Variants in SEC62 observed in about 807,000 individuals in gnomAD.
The protein encoded by SEC62 is translocation protein SEC62.
In SEC62, 10 loss-of-function variants were observed where a neutral mutation model predicts 47.5. The observed-to-expected ratio is 0.21, with a 90% CI of 0.13 to 0.36. SEC62 has a LOEUF of 0.36. Ranked by LOEUF, SEC62 falls within the 10% of genes least tolerant of loss-of-function variation. The pLI, the probability that SEC62 is intolerant of heterozygous loss-of-function variation, is 1.00. For missense variants in SEC62, 327 were observed against 464.1 expected, an observed-to-expected ratio of 0.70 and a Z score of 2.71; for synonymous variants, 136 against 150.5, an observed-to-expected ratio of 0.90 and a Z score of 0.71.
In SEC62 at chr3:169,997,551, C is replaced by G. The variant is rs943588200; in HGVS notation, c.*4488C>G. 1.3e-5 allele frequency: 2 copies of G among 152,184 alleles called. No homozygotes were observed. Among genetic ancestry groups the G allele is most frequent in the African/African-American group, 4.8e-5 (2 of 41,414 alleles). The allele number at this position is 152,184 out of a possible 1,614,324, so 9.4% of individuals were successfully genotyped here. A position where few individuals can be genotyped will look rare whatever the true frequency, so the allele number is the denominator to read the frequency against. On this transcript the variant is annotated 3_prime_UTR_variant, in exon 8 of 8. Coordinates refer to ENST00000337002, the MANE Select transcript of SEC62 (RefSeq NM_003262.4). The stretch of plus-strand genomic sequence containing the variant: ...CGAAATCTCAGCTCACTGCAACCTC[C>G]GCCTCCTGAGGTTCAAGTGATCCTC...
rs1057428695 is a variant in SEC62, at chr3:169,992,687, T to C, written c.824T>C (p.Ile275Thr). The C allele has an allele frequency of 5.0e-6, 8 of 1,614,042 alleles. No homozygotes were observed. The highest frequency in any genetic ancestry group is 2.7e-5 in the African/African-American group (2 of 74,906). The change falls in exon 8 of 8, where the codon ATT becomes ACT. Residue 275 changes from isoleucine (I) to threonine (T), a missense_variant. Around this residue, in one of 3 missense-constraint regions of SEC62, gnomAD observed 99 missense variants for 194.0 expected, o/e 0.51. Coordinates refer to ENST00000337002, the MANE Select transcript of SEC62 (RefSeq NM_003262.4). This position sits in a 1 kb window ranked among gnomAD's most constrained non-coding sequence, Gnocchi z 4.0. ...LPNLTADVGF[I>T]DSFRPLYTHE... ...AATCTGACTGCTGATGTGGGCTTCA[T>C]TGACTCCTTCAGGCCTCTGTACACA... is the stretch of plus-strand genomic sequence containing the variant.
chr3:169,975,648 A>G lies in SEC62; in HGVS notation c.77A>G (p.Lys26Arg). ...EPSKEEKAVAKYLRFNCPTKS... is the reference protein window; with the variant it reads ...EPSKEEKAVARYLRFNCPTKS... ...TCTAAAGAAGAGAAGGCTGTGGCCA[A>G]GTATCTTCGATTCAACTGTCCAACA... is the stretch of plus-strand genomic sequence containing the variant. The change falls in exon 2 of 8, where the codon AAG becomes AGG. Residue 26 changes from lysine (K) to arginine (R), a missense_variant. By Grantham distance (26) the Lys-to-Arg change is conservative. Around this residue, in one of 3 missense-constraint regions of SEC62, gnomAD observed 126 missense variants for 161.2 expected, o/e 0.78. Transcript: ENST00000337002. The G allele has an allele frequency of 6.2e-7, 1 of 1,613,894 alleles. No individual in the cohort carries two copies.
Position 169,985,684 on chromosome 3 carries a change from A to G in SEC62, c.550-121A>G, listed in dbSNP as rs866877833. The G allele has an allele frequency of 5.1e-6, 3 of 591,910 alleles. No individual in the cohort carries two copies. The Middle Eastern group carries it at 8.5e-4, about 167-fold the overall frequency. 36.7% of individuals were successfully genotyped at this position (591,910 alleles called of 1,614,324 possible). A position where few individuals can be genotyped will look rare whatever the true frequency, so the allele number is the denominator to read the frequency against. ...TCTTTGGAATTTATTTACCTTAGAA[A>G]TTACTTCTCGTATGTTAAGAGGTTG... On this transcript the variant is annotated intron_variant, in intron 5 of 7. Coordinates refer to ENST00000337002, the MANE Select transcript of SEC62 (RefSeq NM_003262.4).
chr3:169,967,211 C>T (rs1043177789), intron 1 of SEC62, among the ~76,000 whole-genome samples: 1 of 152,186 alleles, frequency 6.6e-6, no homozygotes, highest in Non-Finnish European at 1.5e-5. Context: ...AGACGCTGAC[C>T]CTTCCCGGGG....
At chr3:169,979,615 G>T (rs993412276) in intron 3 of SEC62, among the ~76,000 whole-genome samples, 1 of 151,992 alleles carries the variant, frequency 6.6e-6, no homozygotes, top group Non-Finnish European at 1.5e-5. Flanking sequence ...TCCCTAAACG[G>T]TTCTGTTTCC....
intron 6 of SEC62, among the ~76,000 whole-genome samples, chr3:169,986,217 GCTCT>G (rs1308623691): frequency 6.6e-6 from 1 of 152,092 alleles, no homozygotes; most frequent in Non-Finnish European, 1.5e-5. Flanking sequence ...AAAAAAATCA[GCTCT>G]CTCTAACAGT....
Position 169,993,497 on chromosome 3 carries a change from T to C in SEC62, c.*434T>C, listed in dbSNP as rs1303664941. The C allele has an allele frequency of 1.9e-5, 3 of 153,928 alleles. No homozygotes were observed. The highest frequency in any genetic ancestry group is 4.3e-5 in the Non-Finnish European group (3 of 68,976). The allele number at this position is 153,928 out of a possible 1,614,324, so 9.5% of individuals were successfully genotyped here. The stretch of plus-strand genomic sequence containing the variant: ...AGTTTCTTTAAGATGTGTAAACTCA[T>C]TGTCCTTGATAGTTTTTATTTTTCA... On this transcript the variant is annotated 3_prime_UTR_variant, in exon 8 of 8. Transcript: ENST00000337002.
intron 2 of SEC62, 110 bp downstream of exon 2, chr3:169,975,826 G>A: frequency 1.6e-6 from 1 of 643,700 alleles, no homozygotes; most frequent in Admixed American, 2.3e-5. Context: ...TTGTTCTGGT[G>A]ATGGACATAT....
At chr3:169,971,063 T>A (rs1187188695) in intron 1 of SEC62, among the ~76,000 whole-genome samples, 2 of 150,240 alleles carry the variant, frequency 1.3e-5, no homozygotes, top group African/African-American at 5.0e-5. Flanking sequence ...CATGTTCTCA[T>A]GGTACTTTTT....
chr3:169,982,864 AAAG>A lies in SEC62; in HGVS notation c.412_414del (p.Glu138del). The A allele has an allele frequency of 6.4e-7, 1 of 1,564,786 alleles. No individual in the cohort carries two copies. Among genetic ancestry groups the A allele is most frequent in the South Asian group, 1.2e-5 (1 of 82,432 alleles). On this transcript the variant is annotated inframe_deletion, in exon 4 of 8. Transcript: ENST00000337002. ...AAATATAAAGGATGAGAAGACAAAAAAAGAAAAAGAGAAAAAAAAAGATGGTGA... is the reference window on the plus strand; with the variant it reads ...AAATATAAAGGATGAGAAGACAAAAAAAAAAGAGAAAAAAAAAGATGGTGA...
At chr3:169,981,861 G>A (rs1034234053) in intron 3 of SEC62, among the ~76,000 whole-genome samples, 4 of 152,170 alleles carry the variant, frequency 2.6e-5, no homozygotes, top group African/African-American at 4.8e-5. Flanking sequence ...AACAGGAAAC[G>A]AGAGAATGGG....
At chr3:169,988,518 A>G (rs917561112) in intron 7 of SEC62, among the ~76,000 whole-genome samples, 159 bp downstream of exon 7, 1 of 152,192 alleles carries the variant, frequency 6.6e-6, no homozygotes, top group Non-Finnish European at 1.5e-5. Context: ...CAGGCTTGGT[A>G]AGATGTGTTC....
chr3:169,988,143 T>G, intron 6 of SEC62, 97 bp from the exon 7 acceptor site: 1 of 1,370,784 alleles, frequency 7.3e-7, no homozygotes, highest in South Asian at 1.2e-5. Flanking sequence ...TGTGTTTATG[T>G]TTCTCAGTTT....
chr3:169,967,030 G>A, intron 1 of SEC62, among the ~76,000 whole-genome samples, 172 bp downstream of exon 1: 1 of 152,248 alleles, frequency 6.6e-6, no homozygotes, highest in Non-Finnish European at 1.5e-5. Context: ...GCCTGAGGGG[G>A]GGCGGTGTTG....
intron 7 of SEC62, among the ~76,000 whole-genome samples, chr3:169,989,641 T>C (rs143760885): frequency 1.3e-5 from 2 of 152,114 alleles, no homozygotes; most frequent in Admixed American, 6.6e-5. Context: ...CTCCACTGAA[T>C]AGAATTATTC....
chr3:169,974,843 G>A (rs764147773), intron 1 of SEC62, among the ~76,000 whole-genome samples: 13 of 152,180 alleles, frequency 8.5e-5, no homozygotes, highest in Admixed American at 2.0e-4. Context: ...CTCCTTCTGC[G>A]ATCTGTTGTC....
intron 1 of SEC62, among the ~76,000 whole-genome samples, chr3:169,974,690 G>A (rs1227069629): frequency 2.6e-5 from 4 of 152,150 alleles, no homozygotes; most frequent in African/African-American, 9.7e-5. Flanking sequence ...CCTTACTGGA[G>A]AAGAGAAGAT....
intron 3 of SEC62, among the ~76,000 whole-genome samples, chr3:169,980,842 T>G (rs1465346464): frequency 6.6e-6 from 1 of 152,240 alleles, no homozygotes; most frequent in African/African-American, 2.4e-5. Context: ...ACATGTATAT[T>G]AACTGCATTA....
chr3:169,973,017 C>T (rs1714738324), intron 1 of SEC62, among the ~76,000 whole-genome samples: 1 of 152,098 alleles, frequency 6.6e-6, no homozygotes, highest in African/African-American at 2.4e-5. Context: ...AAAAATTGAG[C>T]ATGTGTGGTG....
Sources: gnomAD v4.1 joint callset for allele counts (sites outside exome capture counted in the v4.1 genomes callset) on GRCh38, gnomAD v4.1.1 for gene constraint, gnomAD v4.1.1 regional missense constraint, Gnocchi (gnomAD v3.1) non-coding constraint, MANE v1.5 for transcripts, NCBI Gene and HGNC (gene_info 2026-07-23, HGNC 2026-07-21) for gene names.